The following LRCH1 variants were observed in gnomAD, a reference collection of about 807,000 sequenced individuals.
The protein encoded by LRCH1 is leucine rich repeats and calponin homology domain containing 1, also known as leucine-rich repeat and calponin homology domain-containing protein 1.
In LRCH1, 23 loss-of-function variants were observed where a neutral mutation model predicts 94.9. That is an observed-to-expected ratio of 0.24 (90% CI 0.17 to 0.34). The LOEUF (loss-of-function observed/expected upper bound fraction) is 0.34. Among genes scored for constraint, LRCH1 ranks in the 10% least tolerant of loss-of-function variants. The pLI, the probability that LRCH1 is intolerant of heterozygous loss-of-function variation, is 1.00. For missense variants in LRCH1, 790 were observed against 945.9 expected (o/e 0.84, Z 2.16); for synonymous variants, 364 against 354.9 (o/e 1.03, Z -0.29).
intron 1 of LRCH1, among the ~76,000 whole-genome samples, chr13:46,608,267 G>T (rs1036494067): frequency 6.6e-6 from 1 of 152,170 alleles, no homozygotes; most frequent in South Asian, 2.1e-4. Context: ...TCCAGATGTG[G>T]TGTGGAGATG....
chr13:46,722,340 G>A (rs1015369050), intron 16 of LRCH1, among the ~76,000 whole-genome samples: 4 of 151,900 alleles, frequency 2.6e-5, no homozygotes, highest in African/African-American at 9.7e-5. Flanking sequence ...TCCATCTTAT[G>A]TGCAAGGATA....
intron 1 of LRCH1, among the ~76,000 whole-genome samples, chr13:46,631,564 T>G (rs1325983434): frequency 6.6e-6 from 1 of 152,230 alleles, no homozygotes; most frequent in East Asian, 1.9e-4. Flanking sequence ...AGTTTGAGTC[T>G]CAGCTTTTCT....
intron 19 of LRCH1, among the ~76,000 whole-genome samples, chr13:46,738,243 T>C (rs1873484833): frequency 6.6e-6 from 1 of 152,244 alleles, no homozygotes; most frequent in Admixed American, 6.5e-5. Flanking sequence ...GAGAAAGTTT[T>C]CATTCCACAT....
rs141297451 is a variant in LRCH1 at position 46,614,067 on chromosome 13, A to G, written c.308-36134A>G. On this transcript the variant is annotated intron_variant, in intron 1 of 19. Transcript: ENST00000389797. ...TATACATATTCCTAGTGAAGTAATT[A>G]CTACAATTAAATTAACACACCCATC... is the stretch of plus-strand genomic sequence containing the variant. Among the ~76,000 whole-genome samples, 5 of 151,502 alleles carry G rather than the reference A, an allele frequency of 3.3e-5. No individual in the cohort carries two copies. In the East Asian group the frequency reaches 9.7e-4, roughly 30 times the overall value.
intron 1 of LRCH1, among the ~76,000 whole-genome samples, chr13:46,615,602 C>T (rs1276567032): frequency 6.6e-6 from 1 of 152,168 alleles, no homozygotes; most frequent in Non-Finnish European, 1.5e-5. Flanking sequence ...TTCGAGCTCC[C>T]TTCCATTCCT....
chr13:46,728,594 G>A (rs547040173), intron 17 of LRCH1, among the ~76,000 whole-genome samples: 1 of 152,168 alleles, frequency 6.6e-6, no homozygotes, highest in South Asian at 2.1e-4. Context: ...TATTTATCAC[G>A]CTCAAAGAGT....
At chr13:46,684,146 G>A (rs7982810) in intron 4 of LRCH1, among the ~76,000 whole-genome samples, 86,307 of 151,944 alleles carry the variant, frequency 0.57, 25,064 homozygotes, top group African/African-American at 0.67. Context: ...GAATGAAGAG[G>A]GGATTAAAAT....
intron 3 of LRCH1, among the ~76,000 whole-genome samples, chr13:46,676,472 G>A (rs2051674864): frequency 6.6e-6 from 1 of 152,144 alleles, no homozygotes; most frequent in African/African-American, 2.4e-5. Context: ...GACACAGAAA[G>A]GGTAAGACAT....
At chr13:46,731,500 G>A (rs1039731661) in intron 18 of LRCH1, among the ~76,000 whole-genome samples, 2 of 152,198 alleles carry the variant, frequency 1.3e-5, no homozygotes, top group African/African-American at 4.8e-5. Context: ...CAAAGTGCTA[G>A]GATTACAGGT....
chr13:46,608,713 C>A (rs920513921), intron 1 of LRCH1, among the ~76,000 whole-genome samples: 1 of 152,166 alleles, frequency 6.6e-6, no homozygotes, highest in African/African-American at 2.4e-5. Flanking sequence ...TTTTGCTCGT[C>A]TCTTGCTAAA....
In LRCH1 at chr13:46,583,127, CT is replaced by C. The variant is rs2050391969; in HGVS notation, c.307+29428del. Among the ~76,000 whole-genome samples, 4 of 152,204 alleles carry C rather than the reference CT, an allele frequency of 2.6e-5. No individual in the cohort carries two copies. The South Asian group carries it at 8.3e-4, about 32-fold the overall frequency. ...ATCATAAAACACAAAACCTTTTTAT[CT>C]TTTGTAAGTTTGTCAGTTCTAACAT... On this transcript the variant is annotated intron_variant, in intron 1 of 19. Coordinates refer to ENST00000389797, the MANE Select transcript of LRCH1 (RefSeq NM_001164211.2).
At chr13:46,677,459 G>A (rs1180973377) in intron 3 of LRCH1, among the ~76,000 whole-genome samples, 2 of 151,848 alleles carry the variant, frequency 1.3e-5, no homozygotes, top group South Asian at 4.2e-4. Context: ...AAAACTTCTA[G>A]TCTCTTTTAC....
chr13:46,615,068 C>T (rs78178032), intron 1 of LRCH1, among the ~76,000 whole-genome samples: 3,115 of 152,284 alleles, frequency 0.02, 85 homozygotes, highest in African/African-American at 0.061. Context: ...TGAGTTATTA[C>T]TGCTGACAAT....
chr13:46,588,596 C>CTTTTT (rs139602811), intron 1 of LRCH1, among the ~76,000 whole-genome samples: 1 of 100,158 alleles, frequency 1.0e-5, no homozygotes, highest in Non-Finnish European at 2.0e-5. Context: ...CTCTCTCTGT[C>CTTTTT]TTTTTTTTTT....
intron 9 of LRCH1, among the ~76,000 whole-genome samples, chr13:46,696,634 A>G (rs1232040795): frequency 6.6e-6 from 1 of 152,198 alleles, no homozygotes; most frequent in Non-Finnish European, 1.5e-5. Flanking sequence ...CAACTTGGCA[A>G]AGGCTTTCTG....
At chr13:46,746,512 G>A (rs1245195850), downstream of LRCH1, among the ~76,000 whole-genome samples, 3 of 152,080 alleles carry the variant, frequency 2.0e-5, no homozygotes, top group Admixed American at 6.5e-5. Context: ...TCATGACTCC[G>A]CTCCGTACTT....
chr13:46,656,323 AGT>A (rs770441864), intron 2 of LRCH1, among the ~76,000 whole-genome samples: 184 of 152,342 alleles, frequency 1.2e-3, no homozygotes, highest in Non-Finnish European at 2.2e-3. Flanking sequence ...ATTGTAGGCT[AGT>A]GTTTCTTCTC....
At chr13:46,701,500 T>G (rs969242448) in intron 11 of LRCH1, among the ~76,000 whole-genome samples, 16 of 152,212 alleles carry the variant, frequency 1.1e-4, no homozygotes, top group Admixed American at 1.0e-3. Flanking sequence ...AAAAATATGG[T>G]AAAAGTGCAT....
chr13:46,602,515 A>G (rs2050638546), intron 1 of LRCH1, among the ~76,000 whole-genome samples: 1 of 152,190 alleles, frequency 6.6e-6, no homozygotes, highest in African/African-American at 2.4e-5. Context: ...TAACTATGAA[A>G]TTAAATTGGG....
Sources: allele counts gnomAD v4.1 joint callset (sites outside exome capture counted in the v4.1 genomes callset), GRCh38; gene constraint gnomAD v4.1.1; transcripts MANE v1.5; gene names NCBI Gene and HGNC (gene_info 2026-07-23, HGNC 2026-07-21).